Variants in VRK2 observed in about 807,000 individuals in gnomAD.
VRK2 encodes VRK serine/threonine kinase 2.
A neutral mutation model predicts 57.6 loss-of-function variants in VRK2; 60 were observed. The observed-to-expected ratio is 1.04, with a 90% CI of 0.85 to 1.29. The LOEUF is 1.29. VRK2 is among the 50% of genes most tolerant of loss of function. The probability of loss-of-function intolerance (pLI) is 0.00; values close to 1 mark genes in which losing one functional copy is unlikely to be tolerated. For missense variants in VRK2, 705 were observed against 588.1 expected (o/e 1.20, Z -2.06); for synonymous variants, 231 against 199.2 (o/e 1.16, Z -1.35).
At chr2:58,154,749 T>A in intron 12 of VRK2, 3 of 717,794 alleles carry the variant, frequency 4.2e-6, no homozygotes, top group East Asian at 5.4e-5. Context: ...TTCCCTTTTT[T>A]CCAGTTTAGG....
intron 1 of VRK2, among the ~76,000 whole-genome samples, chr2:57,940,882 T>C (rs1671073019): frequency 6.7e-6 from 1 of 150,306 alleles, no homozygotes; most frequent in Non-Finnish European, 1.5e-5. Flanking sequence ...TGCATCCTGC[T>C]CTCCAAAAAA....
At chr2:58,063,295 G>A (rs1396333899) in intron 2 of VRK2, among the ~76,000 whole-genome samples, 2 of 145,436 alleles carry the variant, frequency 1.4e-5, no homozygotes, top group Non-Finnish European at 3.0e-5. Context: ...CACCTATTTT[G>A]GGAGAAGAGG....
chr2:58,025,261 C>T (rs1196437526), intron 1 of VRK2, among the ~76,000 whole-genome samples: 1 of 142,328 alleles, frequency 7.0e-6, no homozygotes, highest in Non-Finnish European at 1.5e-5. Flanking sequence ...AGGCATTGCT[C>T]ATATTTTTTT....
At chr2:58,013,127 A>G (rs1673463461) in intron 1 of VRK2, among the ~76,000 whole-genome samples, 1 of 152,238 alleles carries the variant, frequency 6.6e-6, no homozygotes, top group Non-Finnish European at 1.5e-5. Context: ...TCAAGCAGCA[A>G]AAAACAAAAA....
At chr2:58,053,134 A>G (rs1467250666) in intron 2 of VRK2, among the ~76,000 whole-genome samples, 1 of 152,200 alleles carries the variant, frequency 6.6e-6, no homozygotes, top group African/African-American at 2.4e-5. Context: ...ATAATTATAG[A>G]TGTCACTCTT....
intron 7 of VRK2, among the ~76,000 whole-genome samples, chr2:58,104,639 C>T (rs1674483237): frequency 6.6e-6 from 1 of 151,812 alleles, no homozygotes; most frequent in Non-Finnish European, 1.5e-5. Context: ...GTGCCCAAAA[C>T]AATCTGCAGA....
chr2:57,920,807 G>A (rs1373236769), intron 1 of VRK2, among the ~76,000 whole-genome samples: 2 of 152,098 alleles, frequency 1.3e-5, no homozygotes, highest in African/African-American at 4.8e-5. Context: ...TAGATGAAAA[G>A]GAAAATCTGA....
intron 7 of VRK2, among the ~76,000 whole-genome samples, chr2:58,103,255 C>A (rs1416540400): frequency 6.7e-6 from 1 of 150,018 alleles, no homozygotes; most frequent in Non-Finnish European, 1.5e-5. Flanking sequence ...GAAATTGAGA[C>A]CAAAAATTAA....
chr2:57,939,559 T>C (rs1449753016), intron 1 of VRK2, among the ~76,000 whole-genome samples: 1 of 152,018 alleles, frequency 6.6e-6, no homozygotes, highest in African/African-American at 2.4e-5. Flanking sequence ...ACATTTCCTT[T>C]GGTTTATATG....
chr2:58,029,401 C>G (rs984400270), intron 2 of VRK2, among the ~76,000 whole-genome samples: 5 of 152,108 alleles, frequency 3.3e-5, no homozygotes, highest in African/African-American at 1.2e-4. Context: ...TGATTTTCCT[C>G]CTAACACTGC....
intron 8 of VRK2, among the ~76,000 whole-genome samples, chr2:58,125,730 T>C (rs1308597888): frequency 2.0e-5 from 3 of 152,100 alleles, no homozygotes; most frequent in Non-Finnish European, 4.4e-5. Context: ...AATATAGATA[T>C]ACACATTACA....
At chr2:57,970,781 A>G (rs935538017) in intron 1 of VRK2, among the ~76,000 whole-genome samples, 4 of 152,012 alleles carry the variant, frequency 2.6e-5, no homozygotes, top group African/African-American at 9.6e-5. Flanking sequence ...CTCATGACCA[A>G]TCTTGTTTCC....
chr2:57,927,469 G>T (rs1266409471), intron 1 of VRK2, among the ~76,000 whole-genome samples: 3 of 151,996 alleles, frequency 2.0e-5, no homozygotes, highest in Admixed American at 6.6e-5. Flanking sequence ...TAGAGACGGG[G>T]TGTCAGCATG....
At chr2:58,076,127 T>A (rs1205653254) in intron 2 of VRK2, among the ~76,000 whole-genome samples, 1 of 146,162 alleles carries the variant, frequency 6.8e-6, no homozygotes, top group Non-Finnish European at 1.5e-5. Context: ...TTTTTTTTGG[T>A]CTATATTTTA....
chr2:58,139,648 A>C lies in VRK2; in HGVS notation c.857-18A>C. ...TTGCCAATTGTGAATGACATGTAAA[A>C]AATTTAATAATTCACAGGTGAAATA... On this transcript the variant is annotated intron_variant, in intron 10 of 12. Coordinates refer to ENST00000340157, the MANE Select transcript of VRK2 (RefSeq NM_006296.7). 1 of 1,600,948 alleles carries C rather than the reference A, an allele frequency of 6.2e-7. No individual in the cohort carries two copies. The highest frequency in any genetic ancestry group is 8.5e-7 in the Non-Finnish European group (1 of 1,174,476).
At chr2:58,002,272 T>C (rs1023577060) in intron 1 of VRK2, among the ~76,000 whole-genome samples, 7 of 151,730 alleles carry the variant, frequency 4.6e-5, no homozygotes, top group African/African-American at 1.5e-4. Flanking sequence ...ATGTCAGGAG[T>C]TCAAGACCAG....
At chr2:58,140,885 A>C (rs1438546567) in intron 11 of VRK2, among the ~76,000 whole-genome samples, 1 of 152,052 alleles carries the variant, frequency 6.6e-6, no homozygotes, top group Non-Finnish European at 1.5e-5. Flanking sequence ...TCCTAATAGA[A>C]GAGAATATCT....
chr2:58,121,156 A>G (rs1355047078), intron 7 of VRK2, among the ~76,000 whole-genome samples: 1 of 152,212 alleles, frequency 6.6e-6, no homozygotes, highest in African/African-American at 2.4e-5. Context: ...AAATGGAGAT[A>G]AGGGGACTTA....
At chr2:58,118,353 G>T (rs545058756) in intron 7 of VRK2, among the ~76,000 whole-genome samples, 1 of 152,248 alleles carries the variant, frequency 6.6e-6, no homozygotes, top group Non-Finnish European at 1.5e-5. Flanking sequence ...ATCAAGGGAA[G>T]GCTGCCGTCC....
Sources: allele counts gnomAD v4.1 joint callset (sites outside exome capture counted in the v4.1 genomes callset), GRCh38; gene constraint gnomAD v4.1.1; transcripts MANE v1.5; gene names NCBI Gene and HGNC (gene_info 2026-07-23, HGNC 2026-07-21).